Variants in SPHKAP observed in about 807,000 individuals in gnomAD.
The protein encoded by SPHKAP is SPHK1 interactor, AKAP domain containing.
SPHKAP carries 67 observed loss-of-function variants against 137.5 expected under a neutral mutation model. The ratio of observed to expected loss-of-function variants is 0.49; its 90% CI spans 0.40 to 0.60. The LOEUF is 0.60. SPHKAP is among the 20% of genes least tolerant of loss of function. The pLI, the probability that SPHKAP is intolerant of heterozygous loss-of-function variation, is 0.00. For synonymous variants in SPHKAP, 813 were observed against 785.3 expected, an observed-to-expected ratio of 1.04 and a Z score of -0.59; for missense variants, 2,097 against 2,069.3, an observed-to-expected ratio of 1.01 and a Z score of -0.26.
In SPHKAP at chr2:228,019,424, AC is replaced by A; in HGVS notation, c.1429del (p.Val477LeufsTer20). The A allele has an allele frequency of 1.2e-6, 2 of 1,614,166 alleles. No individual in the cohort carries two copies. Among genetic ancestry groups the A allele is most frequent in the Non-Finnish European group, 1.7e-6 (2 of 1,180,022 alleles). ...ISSWPEMEVS[V>X]ETSSILSGEN... ...TCCAGAGAGGATGCTTGAGGTTTCA[AC>A]AGAGACTTCCATCTCAGGCCAGGAG... On this transcript the variant is annotated frameshift_variant, in exon 7 of 12. Transcript: ENST00000392056. LOFTEE classifies it high-confidence loss of function.
chr2:228,104,261 CATTATATTATATATTATATATCATT>C (rs1698267035), intron 3 of SPHKAP, among the ~76,000 whole-genome samples: 1 of 141,686 alleles, frequency 7.1e-6, no homozygotes, highest in African/African-American at 2.6e-5. Flanking sequence ...TTATATATAT[CATTATATTATATATTATATATCATT>C]ATATCATATA....
At chr2:228,056,254 G>A (rs1371950673) in intron 3 of SPHKAP, among the ~76,000 whole-genome samples, 7 of 152,166 alleles carry the variant, frequency 4.6e-5, no homozygotes, top group African/African-American at 7.2e-5. Context: ...ATGGTCTGTC[G>A]CTATGTGCCC....
intron 3 of SPHKAP, among the ~76,000 whole-genome samples, chr2:228,090,949 T>A (rs1344836473): frequency 1.3e-5 from 2 of 152,232 alleles, no homozygotes; most frequent in African/African-American, 4.8e-5. Context: ...GTCTCAGGTA[T>A]TCCTTTATAA....
chr2:228,057,085 C>A (rs1344689373), intron 3 of SPHKAP, among the ~76,000 whole-genome samples: 2 of 152,122 alleles, frequency 1.3e-5, no homozygotes, highest in South Asian at 2.1e-4. Flanking sequence ...TGACATTATC[C>A]CTCACTTCTT....
intron 4 of SPHKAP, 131 bp from the exon 5 acceptor site, chr2:228,025,659 T>G: frequency 9.0e-7 from 1 of 1,113,268 alleles, no homozygotes. Flanking sequence ...CCAAGATTCT[T>G]ACTAGAAGAA....
chr2:228,016,163 CA>C (rs760350983), intron 7 of SPHKAP, among the ~76,000 whole-genome samples: 21 of 151,068 alleles, frequency 1.4e-4, no homozygotes, highest in Admixed American at 2.6e-4. Flanking sequence ...CCTAGGAGAT[CA>C]TTTTTTTTTT....
chr2:228,078,686 T>C (rs549190476), intron 3 of SPHKAP, among the ~76,000 whole-genome samples: 4 of 152,104 alleles, frequency 2.6e-5, no homozygotes, highest in Non-Finnish European at 4.4e-5. Flanking sequence ...AGCATCCCCA[T>C]GTAGCAGAGA....
chr2:228,097,227 T>C (rs1270295438), intron 3 of SPHKAP, among the ~76,000 whole-genome samples: 5 of 152,198 alleles, frequency 3.3e-5, no homozygotes, highest in African/African-American at 1.2e-4. Context: ...AATTTGAAAC[T>C]TGAAGCTATT....
chr2:227,986,883 A>G (rs1459738757), intron 11 of SPHKAP, among the ~76,000 whole-genome samples: 1 of 152,224 alleles, frequency 6.6e-6, no homozygotes, highest in Non-Finnish European at 1.5e-5. Flanking sequence ...GCTGGAGAGC[A>G]ATGATCTTTG....
At chr2:228,094,932 A>AT (rs1360579753) in intron 3 of SPHKAP, among the ~76,000 whole-genome samples, 2 of 152,124 alleles carry the variant, frequency 1.3e-5, no homozygotes, top group African/African-American at 2.4e-5. Flanking sequence ...TGGTTTTTAC[A>AT]TTTTAAATAT....
chr2:227,991,056 C>G lies in SPHKAP; in HGVS notation c.4903G>C (p.Glu1635Gln). Residue 1635 changes from glutamate to glutamine, a missense_variant, in exon 11 of 12, where the codon GAA becomes CAA. Coordinates refer to ENST00000392056, the MANE Select transcript of SPHKAP (RefSeq NM_001142644.2). ...AAGTAGATGGTGGGAATCCCCAGTT[C>G]AGAGGCAGCTATCCACTGCAGAGTG... ...RATLQWIAAS[E>Q]LGIPTIYFKK... The G allele has an allele frequency of 6.2e-7, 1 of 1,614,166 alleles. No individual in the cohort carries two copies. The highest frequency in any genetic ancestry group is 1.3e-5 in the African/African-American group (1 of 75,042).
At chr2:228,038,927 T>A (rs2106254710) in intron 3 of SPHKAP, among the ~76,000 whole-genome samples, 1 of 152,342 alleles carries the variant, frequency 6.6e-6, no homozygotes, top group East Asian at 1.9e-4. Flanking sequence ...TACAGGAGAA[T>A]TAAATGAGCT....
intron 1 of SPHKAP, among the ~76,000 whole-genome samples, chr2:228,159,979 G>A (rs532551500): frequency 2.0e-5 from 3 of 152,180 alleles, no homozygotes; most frequent in Non-Finnish European, 4.4e-5. Flanking sequence ...CATTTGGAGA[G>A]GAAGTCAAGG....
In SPHKAP at chr2:228,139,910, T is replaced by TTTTCTTTCTTTC. The variant is rs368274825; in HGVS notation, c.33-7837_33-7826dup. 8.6e-3 allele frequency among the ~76,000 whole-genome samples: 1,179 copies of TTTTCTTTCTTTC among 137,620 alleles called. 26 individuals are homozygous for TTTTCTTTCTTTC. Among genetic ancestry groups the TTTTCTTTCTTTC allele is most frequent in the African/African-American group, 0.027 (1,029 of 38,396 alleles). 90.3% of individuals were successfully genotyped at this position (137,620 alleles called of 152,430 possible). The stretch of plus-strand genomic sequence containing the variant: ...CTAGAGTTCTTTATTTCTTTATTTA[T>TTTTCTTTCTTTC]TTTCTTTCTTTCTTTCTTTCTTTCT... On this transcript the variant is annotated intron_variant, in intron 1 of 11. Coordinates refer to ENST00000392056, the MANE Select transcript of SPHKAP (RefSeq NM_001142644.2).
chr2:228,073,555 G>T (rs1235927985), intron 3 of SPHKAP, among the ~76,000 whole-genome samples: 1 of 152,212 alleles, frequency 6.6e-6, no homozygotes. Flanking sequence ...TGCCTCTCAG[G>T]AAGGGCTAAA....
chr2:228,141,232 T>C (rs187275548), intron 1 of SPHKAP, among the ~76,000 whole-genome samples: 110 of 152,320 alleles, frequency 7.2e-4, no homozygotes, highest in African/African-American at 2.5e-3. Flanking sequence ...ACTAGAGAGA[T>C]GGAGTTGGAT....
Position 228,132,078 on chromosome 2 carries a change from C to G in SPHKAP, c.40G>C (p.Glu14Gln). The stretch of plus-strand genomic sequence containing the variant: ...AAAACGTCATACATCCGTGATGACT[C>G]CAAGTTGCTGTTTGTGACCCAAAAC... ...NSLLSVPSNL[E>Q]SSRMYDVLEP... The change falls in exon 2 of 12, where the codon GAG (glutamate) becomes CAG (glutamine). Residue 14 changes from glutamate to glutamine, a missense_variant. Physicochemically the swap from Glu to Gln is conservative, Grantham distance 29. Transcript: ENST00000392056. The G allele has an allele frequency of 6.2e-7, 1 of 1,613,616 alleles. No individual in the cohort carries two copies. Among genetic ancestry groups the G allele is most frequent in the Non-Finnish European group, 8.5e-7 (1 of 1,179,888 alleles).
intron 7 of SPHKAP, among the ~76,000 whole-genome samples, chr2:227,999,518 T>C (rs1693768154): frequency 6.6e-6 from 1 of 152,206 alleles, no homozygotes; most frequent in African/African-American, 2.4e-5. Context: ...CCTGGACCAA[T>C]TTCTTATTAA....
At chr2:228,057,691 C>T (rs115095437) in intron 3 of SPHKAP, among the ~76,000 whole-genome samples, 2,870 of 152,064 alleles carry the variant, frequency 0.019, 30 homozygotes, top group South Asian at 0.036. Flanking sequence ...GGGAGCATAG[C>T]GCATTTAAGA....
Sources: allele counts gnomAD v4.1 joint callset (sites outside exome capture counted in the v4.1 genomes callset), GRCh38; gene constraint gnomAD v4.1.1; transcripts MANE v1.5; gene names NCBI Gene and HGNC (gene_info 2026-07-23, HGNC 2026-07-21).